Variants in DNAH7 observed in about 807,000 individuals in gnomAD.
DNAH7 encodes the protein dynein axonemal heavy chain 7.
In DNAH7, 397 loss-of-function variants were observed where a neutral mutation model predicts 444.6. That is an observed-to-expected ratio of 0.89 (90% CI 0.82 to 0.97). The LOEUF (loss-of-function observed/expected upper bound fraction) is 0.97, where lower values mean the gene tolerates loss of function less well. Ranked by LOEUF, DNAH7 falls within the 50% of genes least tolerant of loss-of-function variation. DNAH7 has a pLI of 0.00. For missense variants in DNAH7, 4,902 were observed against 4,800.8 expected (o/e 1.02, Z -0.62); for synonymous variants, 1,636 against 1,624.4 (o/e 1.01, Z -0.17).
chr2:195,756,300 A>C lies in DNAH7; in HGVS notation c.11434-15T>G. The C allele has an allele frequency of 1.3e-6, 2 of 1,592,694 alleles. No homozygotes were observed. The highest frequency in any genetic ancestry group is 2.3e-5 in the South Asian group (2 of 88,316). The stretch of plus-strand genomic sequence containing the variant: ...ACTGCAAGCCCCTGAAACACATTTA[A>C]CCTTGGTTAATATAATAGTATAGAT... On this transcript the variant is annotated splice_polypyrimidine_tract_variant and intron_variant, in intron 61 of 64. Coordinates refer to ENST00000312428, the MANE Select transcript of DNAH7 (RefSeq NM_018897.3).
chr2:196,060,012 G>C (rs536547380), intron 1 of DNAH7, among the ~76,000 whole-genome samples: 2 of 152,228 alleles, frequency 1.3e-5, no homozygotes, highest in South Asian at 4.1e-4. Flanking sequence ...TCAGGAGATC[G>C]AAACCATCCT....
intron 51 of DNAH7, among the ~76,000 whole-genome samples, chr2:195,812,029 T>C (rs950412583): frequency 2.0e-5 from 3 of 152,152 alleles, no homozygotes; most frequent in African/African-American, 7.2e-5. Flanking sequence ...AGATTGACCT[T>C]TTGGGCTATC....
At chr2:195,965,940 A>T (rs1400455913) in intron 17 of DNAH7, among the ~76,000 whole-genome samples, 2 of 150,812 alleles carry the variant, frequency 1.3e-5, no homozygotes, top group Admixed American at 6.6e-5. Flanking sequence ...TGTTTTCTTC[A>T]TTGCAATTTT....
At chr2:195,928,978 A>C (rs1433964433) in intron 21 of DNAH7, among the ~76,000 whole-genome samples, 1 of 152,130 alleles carries the variant, frequency 6.6e-6, no homozygotes, top group African/African-American at 2.4e-5. Context: ...AAAACCTCAA[A>C]GACCCCACCA....
chr2:195,981,264 A>C (rs1235650177), intron 15 of DNAH7, among the ~76,000 whole-genome samples: 2 of 152,134 alleles, frequency 1.3e-5, no homozygotes, highest in African/African-American at 4.8e-5. Context: ...ATAAAATTAA[A>C]TACCTAGGAT....
rs562803194 is a variant in DNAH7, at chr2:195,964,946, G to T, written c.2206-4001C>A. 1.4e-3 allele frequency among the ~76,000 whole-genome samples: 212 copies of T among 151,864 alleles called. 1 individual carries two copies. Among genetic ancestry groups the T allele is most frequent in the African/African-American group, 5.0e-3 (209 of 41,412 alleles). On this transcript the variant is annotated intron_variant, in intron 17 of 64. Coordinates refer to ENST00000312428, the MANE Select transcript of DNAH7 (RefSeq NM_018897.3). ...TGACTTCTTCCTTTCCAGTTTGGAT[G>T]CCCTTTATTTCCTTCTCTCATTGGA...
At position 195,740,816 on chromosome 2, in the gene DNAH7, T is replaced by G; in HGVS notation, c.11818A>C (p.Lys3940Gln). ...TTGGGATGCGATTCTGCAAGTTTCT[T>G]GATCTTTCTATTCCAGGAAGCTCCA... Reference protein sequence around the residue: ...LDGASWNRKIKKLAESHPKIL... With the variant: ...LDGASWNRKIQKLAESHPKIL... Residue 3940 changes from lysine to glutamine, a missense_variant, in exon 64 of 65, where the codon AAG (lysine) becomes CAG (glutamine). Physicochemically the swap from Lys to Gln is moderately conservative, Grantham distance 53 (BLOSUM62 1). Coordinates refer to ENST00000312428, the MANE Select transcript of DNAH7 (RefSeq NM_018897.3). 6.4e-7 allele frequency: 1 copy of G among 1,570,068 alleles called. No homozygotes were observed. The highest frequency in any genetic ancestry group is 8.6e-7 in the Non-Finnish European group (1 of 1,156,968).
At chr2:195,795,320 T>G (rs1696083624) in intron 56 of DNAH7, among the ~76,000 whole-genome samples, 1 of 152,198 alleles carries the variant, frequency 6.6e-6, no homozygotes, top group Non-Finnish European at 1.5e-5. Flanking sequence ...GGGCGGAGGT[T>G]GCAGTGAGCC....
intron 7 of DNAH7, among the ~76,000 whole-genome samples, chr2:196,025,343 T>G (rs529470876): frequency 4.6e-5 from 7 of 152,320 alleles, no homozygotes; most frequent in African/African-American, 1.7e-4. Context: ...TGCCCATATT[T>G]CAAGAAGCTC....
At chr2:195,936,184 G>A (rs1428982514) in intron 20 of DNAH7, among the ~76,000 whole-genome samples, 1 of 151,840 alleles carries the variant, frequency 6.6e-6, no homozygotes, top group Non-Finnish European at 1.5e-5. Flanking sequence ...GACCAGCCTG[G>A]CCAACATGGT....
chr2:195,960,291 G>T lies in DNAH7; in HGVS notation c.2860C>A (p.Pro954Thr). ...IIKTQTMRGS[P>T]FIKPYEKQMR... ...TGTTTTTCATAAGGCTTAATGAAAG[G>T]AGATCCTCGCATAGTTTGTGTTTTA... Residue 954 changes from proline (P) to threonine (T), a missense_variant, in exon 18 of 65, where the codon CCT becomes ACT. By Grantham distance (38) the Pro-to-Thr change is conservative. Coordinates refer to ENST00000312428, the MANE Select transcript of DNAH7 (RefSeq NM_018897.3). The T allele has an allele frequency of 6.2e-7, 1 of 1,612,554 alleles. No individual in the cohort carries two copies. Among genetic ancestry groups the T allele is most frequent in the Non-Finnish European group, 8.5e-7 (1 of 1,179,464 alleles).
At chr2:195,817,591 C>T in intron 50 of DNAH7, 105 bp downstream of exon 50, 1 of 1,184,496 alleles carries the variant, frequency 8.4e-7, no homozygotes, top group Non-Finnish European at 1.1e-6. Context: ...TTTTCCCTTG[C>T]AGTATTCCTA....
intron 24 of DNAH7, among the ~76,000 whole-genome samples, chr2:195,916,914 A>G (rs897466710): frequency 1.2e-4 from 18 of 151,614 alleles, no homozygotes; most frequent in South Asian, 1.0e-3. Context: ...CCTAGCTAAC[A>G]TGGTGAAACC....
chr2:195,892,794 G>A (rs1053382476), intron 30 of DNAH7: 5 of 151,228 alleles, frequency 3.3e-5, no homozygotes, highest in African/African-American at 1.2e-4. Context: ...TAAAAATCCT[G>A]TGCTCCACCT....
rs1184141601 is a variant in DNAH7, at chr2:195,796,640, C to T, written c.10451G>A (p.Trp3484Ter). Reference protein sequence around the residue: ...MLEKAVKEGTWVVLQNCHLAT... With the variant: ...MLEKAVKEGT ...AAGGTGACAATTCTGAAGAACAACC[C>T]ATGTTCCTTCCTTGACAGCTTTTTC... The change falls in exon 56 of 65, where the codon TGG becomes TAG. Residue 3484 changes from tryptophan to a stop codon, truncating the protein, a stop_gained. Coordinates refer to ENST00000312428, the MANE Select transcript of DNAH7 (RefSeq NM_018897.3). LOFTEE classifies it high-confidence loss of function. 6.2e-7 allele frequency: 1 copy of T among 1,614,128 alleles called. No homozygotes were observed. Among genetic ancestry groups the T allele is most frequent in the Admixed American group, 1.7e-5 (1 of 60,020 alleles).
At chr2:195,741,047 G>C (rs192584400) in intron 63 of DNAH7, 178 bp from the exon 64 acceptor site, 1 of 306,560 alleles carries the variant, frequency 3.3e-6, no homozygotes, top group East Asian at 5.3e-5. Context: ...CAAGAACATT[G>C]AAACTTTGCC....
intron 19 of DNAH7, among the ~76,000 whole-genome samples, chr2:195,937,672 T>C (rs1039788292): frequency 2.6e-5 from 4 of 152,180 alleles, no homozygotes; most frequent in African/African-American, 4.8e-5. Flanking sequence ...CTAGATATAG[T>C]TGAAATAGAA....
rs577190705 is a variant in DNAH7, at chr2:195,918,990, T to C, written c.3935+3098A>G. On this transcript the variant is annotated intron_variant, in intron 24 of 64. Transcript: ENST00000312428. ...TTTGGGCCAGGCGCAGTGGTTCAAG[T>C]GTGTAATCCCAGCACTTTGGGAGCC... 4.2e-4 allele frequency among the ~76,000 whole-genome samples: 64 copies of C among 152,176 alleles called. 3 individuals carry two copies. The highest frequency in any genetic ancestry group is 2.4e-3 in the Admixed American group (36 of 15,280).
chr2:195,806,934 A>C, intron 53 of DNAH7, 102 bp from the exon 54 acceptor site: 1 of 773,900 alleles, frequency 1.3e-6, no homozygotes, highest in Non-Finnish European at 2.0e-6. Context: ...GAAATCAAGA[A>C]TGCTTGTCTA....
Sources: gnomAD v4.1 joint callset for allele counts (sites outside exome capture counted in the v4.1 genomes callset) on GRCh38, gnomAD v4.1.1 for gene constraint, MANE v1.5 for transcripts, NCBI Gene and HGNC (gene_info 2026-07-23, HGNC 2026-07-21) for gene names.